The following TANGO6 variants were observed in gnomAD, a reference collection of about 807,000 sequenced individuals.
TANGO6 encodes transport and golgi organization 6 homolog.
TANGO6 carries 90 observed loss-of-function variants against 114.2 expected under a neutral mutation model. The ratio of observed to expected loss-of-function variants is 0.79; its 90% confidence interval spans 0.66 to 0.94. The LOEUF is 0.94. Among genes scored for constraint, TANGO6 ranks in the 40% least tolerant of loss-of-function variants. TANGO6 has a pLI of 0.00. For synonymous variants in TANGO6, 477 were observed against 509.8 expected, an observed-to-expected ratio of 0.94 and a Z score of 0.87; for missense variants, 1,274 against 1,315.3, an observed-to-expected ratio of 0.97 and a Z score of 0.49.
intron 15 of TANGO6, among the ~76,000 whole-genome samples, chr16:68,992,673 T>C: frequency 6.6e-6 from 1 of 152,198 alleles, no homozygotes; most frequent in East Asian, 1.9e-4. Context: ...AGCCGTTCCT[T>C]GTTTGCTTTT....
chr16:69,056,100 G>A (rs1174517402), intron 17 of TANGO6, among the ~76,000 whole-genome samples: 1 of 152,090 alleles, frequency 6.6e-6, no homozygotes, highest in Non-Finnish European at 1.5e-5. Context: ...TCAGTACCTT[G>A]CTGGGATTGC....
intron 15 of TANGO6, among the ~76,000 whole-genome samples, chr16:68,999,646 G>T (rs1453309204): frequency 4.6e-5 from 7 of 151,994 alleles, no homozygotes; most frequent in African/African-American, 7.2e-5. Context: ...TTTGTTTTTG[G>T]ACAAAAACTT....
At chr16:68,867,529 A>G (rs1236852676) in intron 4 of TANGO6, 3 of 254,384 alleles carry the variant, frequency 1.2e-5, no homozygotes, top group Non-Finnish European at 1.5e-5. Flanking sequence ...TAAAAACCCT[A>G]AAGTAAATGT....
At position 68,927,800 on chromosome 16, in the gene TANGO6, C is replaced by T; in HGVS notation, c.2360C>T (p.Pro787Leu). Residue 787 changes from proline to leucine, a missense_variant, in exon 13 of 18, where the codon CCC (proline) becomes CTC (leucine). Coordinates refer to ENST00000261778, the MANE Select transcript of TANGO6 (RefSeq NM_024562.2). ...EEQQQTSHERPTDVAHSHLEQ... is the reference protein window; with the variant it reads ...EEQQQTSHERLTDVAHSHLEQ... Reference sequence around the variant, plus strand: ...CAGCAACAAACCAGTCATGAAAGACCCACTGATGTAGCTCATAGCCACCTT... The same window carrying T: ...CAGCAACAAACCAGTCATGAAAGACTCACTGATGTAGCTCATAGCCACCTT... The T allele has an allele frequency of 6.2e-7, 1 of 1,613,924 alleles. No homozygotes were observed. Among genetic ancestry groups the T allele is most frequent in the Non-Finnish European group, 8.5e-7 (1 of 1,179,886 alleles).
chr16:69,083,233 G>A (rs1464022387), intron 17 of TANGO6, among the ~76,000 whole-genome samples: 1 of 150,274 alleles, frequency 6.7e-6, no homozygotes, highest in Non-Finnish European at 1.5e-5. Flanking sequence ...GCTGATTTTT[G>A]TATATTTTGT....
chr16:69,056,997 CTTTTTTT>C (rs71148961), intron 17 of TANGO6, among the ~76,000 whole-genome samples: 8 of 59,860 alleles, frequency 1.3e-4, no homozygotes, highest in South Asian at 7.3e-4. Context: ...GCCTGATTTT[CTTTTTTT>C]TTTTTTTTTT....
chr16:69,020,101 T>C (rs890481279), intron 15 of TANGO6, among the ~76,000 whole-genome samples: 1 of 152,164 alleles, frequency 6.6e-6, no homozygotes, highest in Non-Finnish European at 1.5e-5. Context: ...TATATTTATA[T>C]ATATTTTTTA....
chr16:68,989,125 A>G (rs571153369), intron 15 of TANGO6, among the ~76,000 whole-genome samples: 2 of 152,294 alleles, frequency 1.3e-5, no homozygotes, highest in South Asian at 4.2e-4. Context: ...GGCCTCCCAA[A>G]GTGCTAGGAT....
At chr16:68,983,113 G>A (rs980520965) in intron 15 of TANGO6, among the ~76,000 whole-genome samples, 1 of 151,942 alleles carries the variant, frequency 6.6e-6, no homozygotes, top group Non-Finnish European at 1.5e-5. Flanking sequence ...GCTGCTCAAA[G>A]TACTGGAACT....
chr16:69,063,808 C>CTTCTTCTTCTTCTTCTTATTATTA (rs56983779), intron 17 of TANGO6, among the ~76,000 whole-genome samples: 113 of 125,564 alleles, frequency 9.0e-4, no homozygotes, highest in African/African-American at 3.6e-3. Flanking sequence ...TCTTCTTCTT[C>CTTCTTCTTCTTCTTCTTATTATTA]TTATTATTAT....
intron 14 of TANGO6, among the ~76,000 whole-genome samples, chr16:68,968,617 G>C (rs1025722605): frequency 6.6e-6 from 1 of 151,194 alleles, no homozygotes; most frequent in African/African-American, 2.4e-5. Context: ...CACCCGCCTC[G>C]GCCTCTCAAA....
intron 9 of TANGO6, 94 bp downstream of exon 9, chr16:68,902,598 G>T (rs1309050816): frequency 1.7e-6 from 2 of 1,171,666 alleles, no homozygotes; most frequent in Admixed American, 2.8e-5. Context: ...TGATAGAAAA[G>T]AAACCAGAAA....
rs16958446 is a variant in TANGO6 at position 68,892,295 on chromosome 16, G to A, written c.1378-8139G>A. On this transcript the variant is annotated intron_variant, in intron 7 of 17. Coordinates refer to ENST00000261778, the MANE Select transcript of TANGO6 (RefSeq NM_024562.2). ...AGAATTGTAAGGCTTAACCACAGACGCCTCATATCATAGCTGGCTGGATCT... is the reference window on the plus strand; with the variant it reads ...AGAATTGTAAGGCTTAACCACAGACACCTCATATCATAGCTGGCTGGATCT... Among the ~76,000 whole-genome samples the A allele has an allele frequency of 4.3e-3, 662 of 152,240 alleles. 6 individuals carry two copies. The highest frequency in any genetic ancestry group is 0.015 in the African/African-American group (638 of 41,536).
intron 14 of TANGO6, among the ~76,000 whole-genome samples, chr16:68,936,259 A>C (rs191663671): frequency 1.3e-5 from 2 of 152,258 alleles, no homozygotes; most frequent in East Asian, 3.9e-4. Context: ...ATTTTTTCAC[A>C]TTTTAGTTTT....
intron 15 of TANGO6, among the ~76,000 whole-genome samples, chr16:68,998,730 CAAAA>C (rs1180827047): frequency 1.2e-5 from 1 of 81,292 alleles, no homozygotes; most frequent in Non-Finnish European, 2.6e-5. Flanking sequence ...GACTCCATCT[CAAAA>C]AAAAAAAAAA....
chr16:68,895,431 A>G (rs1476849339), intron 7 of TANGO6, among the ~76,000 whole-genome samples: 1 of 152,216 alleles, frequency 6.6e-6, no homozygotes, highest in East Asian at 1.9e-4. Flanking sequence ...TTCACTGCCT[A>G]TTCACCAAAA....
chr16:68,899,424 G>A (rs1455546524), intron 7 of TANGO6, among the ~76,000 whole-genome samples: 1 of 151,952 alleles, frequency 6.6e-6, no homozygotes, highest in Non-Finnish European at 1.5e-5. Context: ...TGAATTGAAT[G>A]CGTTTGTGCT....
At chr16:69,056,516 A>G (rs1960034175) in intron 17 of TANGO6, among the ~76,000 whole-genome samples, 2 of 151,856 alleles carry the variant, frequency 1.3e-5, no homozygotes, top group South Asian at 4.2e-4. Flanking sequence ...ACAACTAGAC[A>G]TTCTCCTCTT....
intron 15 of TANGO6, among the ~76,000 whole-genome samples, chr16:68,978,563 T>A (rs890075961): frequency 6.6e-6 from 1 of 152,178 alleles, no homozygotes; most frequent in African/African-American, 2.4e-5. Flanking sequence ...TTGAATAACA[T>A]TAAAGCCCAA....
Sources: allele counts gnomAD v4.1 joint callset (sites outside exome capture counted in the v4.1 genomes callset), GRCh38; gene constraint gnomAD v4.1.1; transcripts MANE v1.5; gene names NCBI Gene and HGNC (gene_info 2026-07-23, HGNC 2026-07-21).